Variants in ANKS1B observed in about 807,000 individuals in gnomAD.
ANKS1B encodes ankyrin repeat and sterile alpha motif domain-containing protein 1B.
ANKS1B carries 36 observed loss-of-function variants against 148.3 expected under a neutral mutation model. The observed-to-expected ratio is 0.24, with a 90% confidence interval of 0.19 to 0.32. The LOEUF (loss-of-function observed/expected upper bound fraction) is 0.32, where lower values mean the gene tolerates loss of function less well. ANKS1B is among the 10% of genes least tolerant of loss of function. ANKS1B has a pLI of 1.00. For missense variants in ANKS1B, 1,157 were observed against 1,542.6 expected (o/e 0.75, Z 4.19); for synonymous variants, 542 against 560.8 (o/e 0.97, Z 0.47).
At chr12:99,104,267 G>A (rs1280911397) in intron 15 of ANKS1B, among the ~76,000 whole-genome samples, 1 of 152,186 alleles carries the variant, frequency 6.6e-6, no homozygotes, top group African/African-American at 2.4e-5. Flanking sequence ...GCGTGTATGT[G>A]TATGTTGGGG....
At chr12:99,390,412 A>G (rs1025746769) in intron 12 of ANKS1B, among the ~76,000 whole-genome samples, 2 of 152,178 alleles carry the variant, frequency 1.3e-5, no homozygotes, top group South Asian at 4.1e-4. Flanking sequence ...AGAATGACGT[A>G]TGAAGATCTA....
Position 99,399,705 on chromosome 12 carries a change from G to A in ANKS1B, c.1682C>T (p.Ala561Val). The A allele has an allele frequency of 6.2e-7, 1 of 1,613,494 alleles. No individual in the cohort carries two copies. The highest frequency in any genetic ancestry group is 8.5e-7 in the Non-Finnish European group (1 of 1,179,520). The change falls in exon 12 of 27, where the codon GCC (alanine) becomes GTC (valine). Residue 561 changes from alanine to valine, a missense_variant. Transcript: ENST00000683438. ...NTSTGCTSFT[A>V]SPPASPPTSS... The stretch of plus-strand genomic sequence containing the variant: ...GGTGGGTGGACTAGCAGGAGGACTG[G>A]CAGTAAAGCTTGTGCACCCTGTAGA...
At chr12:99,017,040 A>G (rs1475321293) in intron 17 of ANKS1B, among the ~76,000 whole-genome samples, 1 of 152,166 alleles carries the variant, frequency 6.6e-6, no homozygotes, top group East Asian at 1.9e-4. Context: ...TGCTTTGGAC[A>G]TTGTATTTGA....
chr12:99,536,512 G>A (rs937552193), intron 9 of ANKS1B, among the ~76,000 whole-genome samples: 4 of 152,024 alleles, frequency 2.6e-5, no homozygotes, highest in Admixed American at 2.6e-4. Context: ...GTGTTCCAGT[G>A]GTTGGGAATA....
chr12:99,527,496 A>G (rs746044798), intron 9 of ANKS1B, among the ~76,000 whole-genome samples: 21 of 152,180 alleles, frequency 1.4e-4, no homozygotes, highest in Non-Finnish European at 2.5e-4. Flanking sequence ...AGTAATCCGG[A>G]TTTGTGGCTC....
intron 26 of ANKS1B, among the ~76,000 whole-genome samples, chr12:98,748,203 T>C (rs1472308666): frequency 6.6e-6 from 1 of 151,966 alleles, no homozygotes; most frequent in African/African-American, 2.4e-5. Context: ...CACATAGCAA[T>C]AAAAAACAGT....
At chr12:99,171,457 A>G (rs1203885723) in intron 14 of ANKS1B, among the ~76,000 whole-genome samples, 1 of 152,234 alleles carries the variant, frequency 6.6e-6, no homozygotes, top group East Asian at 1.9e-4. Flanking sequence ...GTTCTGGATC[A>G]TAACGCCGAG....
chr12:99,907,798 TC>T (rs1565974264), intron 1 of ANKS1B, among the ~76,000 whole-genome samples: 1 of 110,628 alleles, frequency 9.0e-6, no homozygotes, highest in Admixed American at 1.2e-4. Flanking sequence ...TTTTCTCCTC[TC>T]CAGAGAAATT....
At chr12:99,173,464 C>T (rs2078024062) in intron 14 of ANKS1B, among the ~76,000 whole-genome samples, 1 of 152,068 alleles carries the variant, frequency 6.6e-6, no homozygotes, top group African/African-American at 2.4e-5. Context: ...ATTTTTCACA[C>T]TTAAGACAAT....
intron 22 of ANKS1B, among the ~76,000 whole-genome samples, chr12:98,797,442 A>G (rs976865917): frequency 6.6e-6 from 1 of 152,212 alleles, no homozygotes; most frequent in Non-Finnish European, 1.5e-5. Context: ...GGGACACTGT[A>G]AAGACTCAGT....
downstream of ANKS1B, among the ~76,000 whole-genome samples, chr12:98,743,001 A>ATTTT (rs201865908): frequency 6.6e-6 from 1 of 152,116 alleles, no homozygotes; most frequent in East Asian, 1.9e-4. Context: ...TTAGAAAGTT[A>ATTTT]TTTTTTTTAA....
chr12:98,808,389 T>C (rs192357839), intron 19 of ANKS1B, among the ~76,000 whole-genome samples: 2 of 152,326 alleles, frequency 1.3e-5, no homozygotes, highest in Admixed American at 1.3e-4. Context: ...CATTGCTCTA[T>C]TTGACAAACC....
chr12:99,636,595 A>AT (rs1490656317), intron 9 of ANKS1B, among the ~76,000 whole-genome samples: 2 of 151,944 alleles, frequency 1.3e-5, no homozygotes, highest in Non-Finnish European at 2.9e-5. Flanking sequence ...AAACCAGAAA[A>AT]TTTTTTTTAA....
intron 9 of ANKS1B, among the ~76,000 whole-genome samples, chr12:99,574,264 T>A (rs2097493227): frequency 6.6e-6 from 1 of 152,124 alleles, no homozygotes; most frequent in African/African-American, 2.4e-5. Flanking sequence ...CGAGAGCACT[T>A]CCCAATAAAT....
chr12:99,354,317 G>A (rs1421394895), intron 12 of ANKS1B, among the ~76,000 whole-genome samples: 2 of 151,952 alleles, frequency 1.3e-5, no homozygotes, highest in African/African-American at 2.4e-5. Context: ...GTAAAGCCTA[G>A]AAAACATATG....
At chr12:98,975,269 C>G (rs922351406) in intron 17 of ANKS1B, among the ~76,000 whole-genome samples, 6 of 146,486 alleles carry the variant, frequency 4.1e-5, no homozygotes, top group Non-Finnish European at 9.1e-5. Flanking sequence ...TCATTCCTCC[C>G]TCCCTCCCTT....
intron 4 of ANKS1B, among the ~76,000 whole-genome samples, chr12:99,797,856 C>T (rs947093087): frequency 6.6e-6 from 1 of 151,908 alleles, no homozygotes; most frequent in African/African-American, 2.4e-5. Context: ...AAGTCGCAAG[C>T]AAAAGGGAGA....
intron 17 of ANKS1B, among the ~76,000 whole-genome samples, chr12:98,852,085 T>C (rs566835414): frequency 1.2e-4 from 17 of 144,830 alleles, no homozygotes; most frequent in African/African-American, 4.1e-4. Flanking sequence ...AGTTGGTTTA[T>C]AACAATAATT....
At chr12:99,633,666 C>T (rs1396816279) in intron 9 of ANKS1B, among the ~76,000 whole-genome samples, 5 of 152,142 alleles carry the variant, frequency 3.3e-5, no homozygotes, top group Non-Finnish European at 5.9e-5. Context: ...AGCTTCTGCA[C>T]AGCAAAAGAA....
Sources: allele counts gnomAD v4.1 joint callset (sites outside exome capture counted in the v4.1 genomes callset), GRCh38; gene constraint gnomAD v4.1.1; transcripts MANE v1.5; gene names NCBI Gene and HGNC (gene_info 2026-07-23, HGNC 2026-07-21).